The following CYP4F2 variants were observed in gnomAD, a reference collection of about 807,000 sequenced individuals.
CYP4F2 encodes the protein cytochrome P450 family 4 subfamily F member 2.
In CYP4F2, 58 loss-of-function variants were observed where a neutral mutation model predicts 58.9. That is an observed-to-expected ratio of 0.98 (90% confidence interval 0.80 to 1.23). The LOEUF is 1.23. Ranked by LOEUF, CYP4F2 falls within the 50% of genes most tolerant of loss-of-function variation. The pLI is 0.00. For missense variants in CYP4F2, 616 were observed against 685.6 expected (o/e 0.90, Z 1.13); for synonymous variants, 287 against 261.1 (o/e 1.10, Z -0.95).
Position 15,892,163 on chromosome 19 carries a change from C to T in CYP4F2, c.525+146G>A, listed in dbSNP as rs533777485. 4.9e-5 allele frequency: 67 copies of T among 1,373,752 alleles called. No homozygotes were observed. In the African/African-American group the frequency reaches 9.4e-4, roughly 19 times the overall value. 85.1% of individuals were successfully genotyped at this position (1,373,752 alleles called of 1,614,324 possible). A position where few individuals can be genotyped will look rare whatever the true frequency, so the allele number is the denominator to read the frequency against. Reference sequence around the variant, plus strand: ...CATCTTTTAAGTAGGGATTATTATCCCCATTTTACAGATGAGGAAACCAAG... The same window carrying T: ...CATCTTTTAAGTAGGGATTATTATCTCCATTTTACAGATGAGGAAACCAAG... On this transcript the variant is annotated intron_variant, in intron 5 of 12. Coordinates refer to ENST00000221700, the MANE Select transcript of CYP4F2 (RefSeq NM_001082.5).
chr19:15,889,797 T>C, intron 6 of CYP4F2, 104 bp from the exon 7 acceptor site: 5 of 1,516,166 alleles, frequency 3.3e-6, no homozygotes, highest in Non-Finnish European at 4.5e-6. Context: ...GTAAACAGAG[T>C]ATCCAGGAAC....
chr19:15,882,525 AATAATTT>A (rs1470086920), intron 9 of CYP4F2, among the ~76,000 whole-genome samples: 1 of 145,308 alleles, frequency 6.9e-6, no homozygotes, highest in Non-Finnish European at 1.5e-5. Context: ...ACCTTGATTT[AATAATTT>A]CAGGTTGTAT....
At position 15,892,373 on chromosome 19, in the gene CYP4F2, G is replaced by A. The variant is rs754089074; in HGVS notation, c.461C>T (p.Ala154Val). ...GGGCTTCAGGATGTTGAAATGGAAG[G>A]CAGGCGTCAGCATCCGACGGTGGCG... ...WSRHRRMLTP[A>V]FHFNILKPYM... Residue 154 changes from alanine to valine, a missense_variant, in exon 5 of 13, where the codon GCC becomes GTC. Physicochemically the swap from Ala to Val is moderately conservative, Grantham distance 64 (BLOSUM62 0). Coordinates refer to ENST00000221700, the MANE Select transcript of CYP4F2 (RefSeq NM_001082.5). 15 of 1,614,178 alleles carry A rather than the reference G, an allele frequency of 9.3e-6. No homozygotes were observed. In the East Asian group the frequency reaches 2.9e-4, roughly 31 times the overall value.
chr19:15,886,752 G>T (rs2089382682), intron 7 of CYP4F2, among the ~76,000 whole-genome samples: 1 of 152,168 alleles, frequency 6.6e-6, no homozygotes, highest in South Asian at 2.1e-4. Flanking sequence ...TCTCACTGAA[G>T]AGGATTTGTT....
intron 10 of CYP4F2, 43 bp from the exon 11 acceptor site, chr19:15,879,711 T>A (rs1349449388): frequency 1.9e-6 from 3 of 1,613,928 alleles, no homozygotes; most frequent in South Asian, 2.2e-5. Context: ...CCTCCTTCAC[T>A]GAGGGGCCCC....
intron 9 of CYP4F2, among the ~76,000 whole-genome samples, chr19:15,884,625 A>G (rs979747971): frequency 1.3e-5 from 2 of 152,208 alleles, no homozygotes; most frequent in East Asian, 1.9e-4. Flanking sequence ...ATGCAGCAAT[A>G]AAAAATTGTT....
At chr19:15,883,939 G>T (rs2089360220) in intron 9 of CYP4F2, among the ~76,000 whole-genome samples, 1 of 152,104 alleles carries the variant, frequency 6.6e-6, no homozygotes, top group African/African-American at 2.4e-5. Context: ...TGCACCCATA[G>T]TCCCAGCTGC....
At chr19:15,886,345 C>G in intron 7 of CYP4F2, 37 bp from the exon 8 acceptor site, 1 of 1,611,686 alleles carries the variant, frequency 6.2e-7, no homozygotes. Context: ...AACCCCCACC[C>G]CCATAAAAAG....
chr19:15,885,168 G>A lies in CYP4F2; in HGVS notation c.1115+756C>T, dbSNP rs573455851. Among the ~76,000 whole-genome samples, 13 of 148,068 alleles carry A rather than the reference G, an allele frequency of 8.8e-5. No individual in the cohort carries two copies. In the East Asian group the frequency reaches 2.6e-3, roughly 29 times the overall value. On this transcript the variant is annotated intron_variant, in intron 9 of 12. Transcript: ENST00000221700. ...TCTCTTCCTCCCCCAAAGACCCCAG[G>A]CAGTCTTCTTGACCTAGAGCACTGC...
At chr19:15,879,556 C>T (rs2089329848) in intron 11 of CYP4F2, 48 bp downstream of exon 11, 2 of 1,612,062 alleles carry the variant, frequency 1.2e-6, no homozygotes, top group East Asian at 4.5e-5. Flanking sequence ...CCTGCCCCCT[C>T]CTCTAGGAGC....
intron 7 of CYP4F2, among the ~76,000 whole-genome samples, chr19:15,888,413 T>A (rs545932121): frequency 2.9e-4 from 41 of 141,096 alleles, no homozygotes; most frequent in African/African-American, 1.0e-3. Context: ...CAAGTACACA[T>A]AAACATAGAC....
At chr19:15,882,891 T>C (rs2089353926) in intron 9 of CYP4F2, among the ~76,000 whole-genome samples, 1 of 152,202 alleles carries the variant, frequency 6.6e-6, no homozygotes, top group African/African-American at 2.4e-5. Flanking sequence ...AATGTGGGCA[T>C]TGGGATAGCC....
rs1568475012 is a variant in CYP4F2 at position 15,897,561 on chromosome 19, G to T, written c.51C>A (p.Ser17=). ...SWLGLWPVAA[S]PWLLLLLVGA... is the part of the protein sequence containing the mutation. ...CGACCAGCAGGAGGAGCAGCCAAGG[G>T]GATGCTGCCACTGGCCAGAGGCCCA... The change falls in exon 2 of 13, where the codon TCC becomes TCA. Residue 17 remains serine, a synonymous_variant. Coordinates refer to ENST00000221700, the MANE Select transcript of CYP4F2 (RefSeq NM_001082.5). 7.4e-6 allele frequency: 12 copies of T among 1,613,986 alleles called. No individual in the cohort carries two copies. Among genetic ancestry groups the T allele is most frequent in the Non-Finnish European group, 1.0e-5 (12 of 1,179,964 alleles).
intron 3 of CYP4F2, among the ~76,000 whole-genome samples, chr19:15,892,994 A>T (rs2089426117): frequency 6.6e-6 from 1 of 152,192 alleles, no homozygotes; most frequent in African/African-American, 2.4e-5. Flanking sequence ...GACATGAGAC[A>T]TGACCCTGAC....
intron 9 of CYP4F2, among the ~76,000 whole-genome samples, chr19:15,880,579 G>A (rs2089338470): frequency 6.6e-6 from 1 of 150,766 alleles, no homozygotes; most frequent in Admixed American, 6.6e-5. Context: ...AGTGAGCTGA[G>A]ATCACACCAC....
chr19:15,894,144 G>A (rs2089434426), intron 3 of CYP4F2, among the ~76,000 whole-genome samples: 1 of 152,180 alleles, frequency 6.6e-6, no homozygotes. Flanking sequence ...TCCAGATGAA[G>A]AGCCTGAGGC....
chr19:15,888,027 TA>T (rs1568471799), intron 7 of CYP4F2, among the ~76,000 whole-genome samples: 40 of 15,662 alleles, frequency 2.6e-3, no homozygotes, highest in Middle Eastern at 0.036. Context: ...GACACAGATA[TA>T]GATATAGACA....
chr19:15,884,995 A>T (rs141859401), intron 9 of CYP4F2, among the ~76,000 whole-genome samples: 19,653 of 152,140 alleles, frequency 0.13, 1,490 homozygotes, highest in Non-Finnish European at 0.17. Context: ...TTCCACAGCC[A>T]GCCCCTGCTA....
intron 12 of CYP4F2, among the ~76,000 whole-genome samples, 196 bp downstream of exon 12, chr19:15,879,150 G>A (rs530133717): frequency 6.6e-6 from 1 of 152,104 alleles, no homozygotes; most frequent in Non-Finnish European, 1.5e-5. Flanking sequence ...GGTAGGAGGG[G>A]GCTCTGAGCA....
Sources: allele counts gnomAD v4.1 joint callset (sites outside exome capture counted in the v4.1 genomes callset), GRCh38; gene constraint gnomAD v4.1.1; transcripts MANE v1.5; gene names NCBI Gene and HGNC (gene_info 2026-07-23, HGNC 2026-07-21).